Variants in RNF38 observed in about 807,000 individuals in gnomAD.
RNF38 encodes the protein ring finger protein 38.
RNF38 carries 15 observed loss-of-function variants against 67.2 expected under a neutral mutation model. The ratio of observed to expected loss-of-function variants is 0.22; its 90% confidence interval spans 0.15 to 0.34. The LOEUF (loss-of-function observed/expected upper bound fraction) is 0.34, where lower values mean the gene tolerates loss of function less well. Among genes scored for constraint, RNF38 ranks in the 10% least tolerant of loss-of-function variants. The pLI, the probability that RNF38 is intolerant of heterozygous loss-of-function variation, is 1.00. For synonymous variants in RNF38, 220 were observed against 218.8 expected, an observed-to-expected ratio of 1.01 and a Z score of -0.05; for missense variants, 524 against 639.9, an observed-to-expected ratio of 0.82 and a Z score of 1.95.
At chr9:36,478,882 G>A (rs1212459646) in intron 1 of RNF38, among the ~76,000 whole-genome samples, 1 of 151,282 alleles carries the variant, frequency 6.6e-6, no homozygotes, top group Non-Finnish European at 1.5e-5. Flanking sequence ...TTATGTATTC[G>A]GCTTTTGTGG....
upstream of RNF38, chr9:36,401,188 C>A: frequency 1.0e-6 from 1 of 973,612 alleles, no homozygotes; most frequent in Non-Finnish European, 1.2e-6. Context: ...GTTTCCACCC[C>A]GAGGGGGAAG....
chr9:36,408,666 C>T (rs938337094), intron 2 of RNF38, among the ~76,000 whole-genome samples: 1 of 152,012 alleles, frequency 6.6e-6, no homozygotes, highest in Admixed American at 6.5e-5. Context: ...AGCTGGTGAC[C>T]AATGGGCCAT....
intron 2 of RNF38, among the ~76,000 whole-genome samples, chr9:36,408,618 C>A (rs1292004162): frequency 6.6e-6 from 1 of 152,130 alleles, no homozygotes; most frequent in Non-Finnish European, 1.5e-5. Flanking sequence ...TGGGCCTAAA[C>A]TTGAGCCAAA....
chr9:36,377,122 A>C (rs1313060058), intron 2 of RNF38, among the ~76,000 whole-genome samples: 1 of 152,044 alleles, frequency 6.6e-6, no homozygotes, highest in Non-Finnish European at 1.5e-5. Context: ...CATTAATAAC[A>C]CTCCAGGGTT....
chr9:36,424,671 G>C (rs1004981039), exon 2 of RNF38: 1 of 985,264 alleles, frequency 1.0e-6, no homozygotes, highest in Non-Finnish European at 1.2e-6. Flanking sequence ...CTGAAAAGAA[G>C]CACCAACACT....
At chr9:36,442,833 G>A (rs1839222807) in intron 1 of RNF38, among the ~76,000 whole-genome samples, 1 of 152,238 alleles carries the variant, frequency 6.6e-6, no homozygotes, top group Non-Finnish European at 1.5e-5. Flanking sequence ...AACAGTAGCA[G>A]TTGGAAAACT....
intron 1 of RNF38, among the ~76,000 whole-genome samples, chr9:36,449,678 G>C (rs138267209): frequency 6.6e-6 from 1 of 152,118 alleles, no homozygotes; most frequent in African/African-American, 2.4e-5. Context: ...CTTGTGATCC[G>C]CCCACCTCGG....
intron 1 of RNF38, among the ~76,000 whole-genome samples, chr9:36,475,684 CAG>C (rs1291268367): frequency 1.3e-5 from 2 of 150,734 alleles, no homozygotes; most frequent in Non-Finnish European, 3.0e-5. Flanking sequence ...TAGTGGCCAA[CAG>C]AGAGCAGTAA....
chr9:36,449,637 G>A (rs948576566), intron 1 of RNF38, among the ~76,000 whole-genome samples: 1 of 152,040 alleles, frequency 6.6e-6, no homozygotes, highest in Non-Finnish European at 1.5e-5. Context: ...GGGTTTCACC[G>A]TGTTAGCCAG....
chr9:36,381,912 T>C (rs905521068), intron 2 of RNF38, among the ~76,000 whole-genome samples: 1 of 152,136 alleles, frequency 6.6e-6, no homozygotes, highest in African/African-American at 2.4e-5. Flanking sequence ...TTTCACAGAG[T>C]TGGGTCTTTC....
chr9:36,478,292 T>A (rs911574442), intron 1 of RNF38, among the ~76,000 whole-genome samples: 3 of 149,968 alleles, frequency 2.0e-5, no homozygotes, highest in Non-Finnish European at 4.4e-5. Flanking sequence ...TAGTCCCAGC[T>A]ACTCGGGAGG....
At chr9:36,480,549 T>TG in intron 1 of RNF38, among the ~76,000 whole-genome samples, 1 of 26,324 alleles carries the variant, frequency 3.8e-5, no homozygotes, top group South Asian at 1.3e-3. Flanking sequence ...TTTCTTTTTC[T>TG]TTTTTTTTTT....
At position 36,427,774 on chromosome 9, in the gene RNF38, G is replaced by C. The variant is rs540255462; in HGVS notation, n.242-3091C>G. ...TGCCCACACTGGAGGGTAGTGGTGC[G>C]ATCTTGGCTCACTGCAACCTCCACC... On this transcript the variant is annotated intron_variant and non_coding_transcript_variant, in intron 1 of 3. Coordinates refer to the RNF38 transcript ENST00000488058. Among the ~76,000 whole-genome samples the C allele has an allele frequency of 5.9e-5, 9 of 151,850 alleles. No homozygotes were observed. The East Asian group carries it at 1.7e-3, about 29-fold the overall frequency.
intron 1 of RNF38, among the ~76,000 whole-genome samples, chr9:36,433,733 T>C (rs993864863): frequency 8.8e-5 from 13 of 147,894 alleles, no homozygotes; most frequent in Non-Finnish European, 1.2e-4. Flanking sequence ...TTTGGACATA[T>C]ACAAATGTTA....
intron 3 of RNF38, among the ~76,000 whole-genome samples, chr9:36,370,704 G>A (rs541782995): frequency 3.9e-5 from 6 of 152,156 alleles, no homozygotes; most frequent in East Asian, 1.9e-4. Context: ...CCAGGAGTTC[G>A]AGACCAGACT....
chr9:36,443,991 T>C (rs935348272), intron 1 of RNF38, among the ~76,000 whole-genome samples: 21 of 152,226 alleles, frequency 1.4e-4, no homozygotes, highest in Non-Finnish European at 2.9e-5. Context: ...GCAGCTCTAA[T>C]GATCACTGCC....
At chr9:36,421,578 A>G (rs1306382117) in intron 2 of RNF38, among the ~76,000 whole-genome samples, 1 of 152,076 alleles carries the variant, frequency 6.6e-6, no homozygotes, top group Non-Finnish European at 1.5e-5. Flanking sequence ...CAGGAGAATC[A>G]CTTGAACCCG....
rs202085153 is a variant in RNF38, at chr9:36,413,231, AT to A, written n.312+11381del. Among the ~76,000 whole-genome samples, 89 of 150,272 alleles carry A rather than the reference AT, an allele frequency of 5.9e-4. 3 individuals carry two copies. The highest frequency in any genetic ancestry group is 6.5e-4 in the Non-Finnish European group (44 of 67,302). The stretch of plus-strand genomic sequence containing the variant: ...GGCAACAGAGCAAGACTCCATCTCA[AT>A]TTAAAAAAAAAAAAAAAGCATGGCA... On this transcript the variant is annotated intron_variant and non_coding_transcript_variant, in intron 2 of 3. Coordinates refer to the RNF38 transcript ENST00000488058.
At chr9:36,481,414 C>A (rs1413997596) in intron 1 of RNF38, among the ~76,000 whole-genome samples, 1 of 152,206 alleles carries the variant, frequency 6.6e-6, no homozygotes, top group Non-Finnish European at 1.5e-5. Flanking sequence ...CTGTTCTCAG[C>A]AGTCCCAAGA....
Sources: gnomAD v4.1 joint callset for allele counts (sites outside exome capture counted in the v4.1 genomes callset) on GRCh38, gnomAD v4.1.1 for gene constraint, MANE v1.5 for transcripts, NCBI Gene and HGNC (gene_info 2026-07-23, HGNC 2026-07-21) for gene names.